The following TIAM1 variants were observed in gnomAD, a reference collection of about 807,000 sequenced individuals.
The protein encoded by TIAM1 is rho guanine nucleotide exchange factor TIAM1.
TIAM1 carries 65 observed loss-of-function variants against 163.5 expected under a neutral mutation model. That is an observed-to-expected ratio of 0.40 (90% confidence interval 0.33 to 0.49). The LOEUF (loss-of-function observed/expected upper bound fraction) is 0.49. TIAM1 is among the 20% of genes least tolerant of loss of function. The pLI, the probability that TIAM1 is intolerant of heterozygous loss-of-function variation, is 0.77. For missense variants in TIAM1, 1,789 were observed against 2,044.7 expected, an observed-to-expected ratio of 0.87 and a Z score of 2.41; for synonymous variants, 833 against 810.1, an observed-to-expected ratio of 1.03 and a Z score of -0.48.
chr21:31,521,308 C>G (rs2047574805), intron 1 of TIAM1, among the ~76,000 whole-genome samples: 1 of 152,196 alleles, frequency 6.6e-6, no homozygotes, highest in Non-Finnish European at 1.5e-5. Flanking sequence ...TCTAGAGTTT[C>G]TCTTCAAGAT....
At chr21:31,258,569 T>C (rs1016028313) in intron 4 of TIAM1, among the ~76,000 whole-genome samples, 7 of 152,320 alleles carry the variant, frequency 4.6e-5, no homozygotes, top group Admixed American at 1.3e-4. Flanking sequence ...CAGTGGCTCA[T>C]GCCTGTAATC....
intron 1 of TIAM1, among the ~76,000 whole-genome samples, chr21:31,489,406 A>G (rs1345808782): frequency 1.3e-3 from 88 of 67,290 alleles, no homozygotes; most frequent in South Asian, 3.0e-3. Context: ...GGGGAGGGGG[A>G]GGGAAGAAGA....
At chr21:31,221,258 C>T (rs1711307484) in intron 8 of TIAM1, among the ~76,000 whole-genome samples, 1 of 152,146 alleles carries the variant, frequency 6.6e-6, no homozygotes, top group African/African-American at 2.4e-5. Flanking sequence ...TGACTTGTTC[C>T]GGCTGAAATG....
chr21:31,471,735 G>A (rs2045747202), intron 1 of TIAM1, among the ~76,000 whole-genome samples: 1 of 152,130 alleles, frequency 6.6e-6, no homozygotes, highest in South Asian at 2.1e-4. Context: ...CAGGCATGGT[G>A]GTGCGTGCCT....
rs192076696 is a variant in TIAM1, at chr21:31,256,641, T to G, written c.964-4452A>C. Among the ~76,000 whole-genome samples, 7 of 51,406 alleles carry G rather than the reference T, an allele frequency of 1.4e-4. 1 individual carries two copies. The highest frequency in any genetic ancestry group is 3.8e-4 in the African/African-American group (7 of 18,536). The allele number at this position is 51,406 out of a possible 152,430, so 33.7% of individuals were successfully genotyped here. On this transcript the variant is annotated intron_variant, in intron 4 of 27. Coordinates refer to ENST00000541036, the MANE Select transcript of TIAM1 (RefSeq NM_001353694.2). ...CACACACACACACGTATATTATCTT[T>G]GGCTCTCAGTATTATCTCCTTGGTA...
At chr21:31,457,928 G>T (rs964331131) in intron 2 of TIAM1, among the ~76,000 whole-genome samples, 6 of 152,180 alleles carry the variant, frequency 3.9e-5, no homozygotes, top group Non-Finnish European at 8.8e-5. Context: ...GGCACAGACT[G>T]CACCACAAAG....
intron 2 of TIAM1, among the ~76,000 whole-genome samples, chr21:31,397,717 T>G (rs1305516874): frequency 6.6e-6 from 1 of 152,190 alleles, no homozygotes; most frequent in Non-Finnish European, 1.5e-5. Flanking sequence ...GGCAGCTCTG[T>G]GTAAAACAAA....
chr21:31,175,155 C>G (rs932601902), intron 15 of TIAM1, among the ~76,000 whole-genome samples: 5 of 152,052 alleles, frequency 3.3e-5, no homozygotes, highest in African/African-American at 1.2e-4. Flanking sequence ...GTTGCCCAAG[C>G]TGGTCTCAAA....
In TIAM1 at chr21:31,475,025, T is replaced by TTTTTTATTATTATTA. The variant is rs1285962494; in HGVS notation, c.-421-10991_-421-10990insTAATAATAATAAAAA. 8.4e-5 allele frequency among the ~76,000 whole-genome samples: 10 copies of TTTTTTATTATTATTA among 118,690 alleles called. No homozygotes were observed. In the South Asian group the frequency reaches 1.0e-3, roughly 12 times the overall value. 77.9% of individuals were successfully genotyped at this position (118,690 alleles called of 152,430 possible). A position where few individuals can be genotyped will look rare whatever the true frequency, so the allele number is the denominator to read the frequency against. ...CATATAAGTTGCTGTGAGCTAGTTT[T>TTTTTTATTATTATTA]TTATTATTATTATTATTATTATTAT... On this transcript the variant is annotated intron_variant, in intron 1 of 28. Coordinates refer to the TIAM1 transcript ENST00000286827.
rs2077058075 is a variant in TIAM1, at chr21:31,395,793, G to C, written c.-368-56371C>G. Among the ~76,000 whole-genome samples, 1 of 152,116 alleles carries C rather than the reference G, an allele frequency of 6.6e-6. No homozygotes were observed. The highest frequency in any genetic ancestry group is 2.4e-5 in the African/African-American group (1 of 41,436). ...AGGACGTGAGATGCATGGAATTAATGAACAACTATCTGTGAAAATCTATCC... is the reference window on the plus strand; with the variant it reads ...AGGACGTGAGATGCATGGAATTAATCAACAACTATCTGTGAAAATCTATCC... On this transcript the variant is annotated intron_variant, in intron 2 of 28. Transcript: ENST00000286827. This position sits in a 1 kb window ranked among gnomAD's most constrained non-coding sequence, Gnocchi z 7.5.
At chr21:31,143,909 T>A (rs1046811150) in intron 20 of TIAM1, among the ~76,000 whole-genome samples, 2 of 151,990 alleles carry the variant, frequency 1.3e-5, no homozygotes, top group Non-Finnish European at 2.9e-5. Context: ...TTTTTTTGTA[T>A]TTTTAGTAGA....
chr21:31,315,655 G>A (rs1421445057), intron 2 of TIAM1, among the ~76,000 whole-genome samples: 10 of 126,908 alleles, frequency 7.9e-5, no homozygotes, highest in African/African-American at 1.2e-4. Flanking sequence ...CTCCAGCCTG[G>A]GCAACAAGAG....
At chr21:31,523,843 G>A (rs147672216) in intron 1 of TIAM1, among the ~76,000 whole-genome samples, 12 of 151,908 alleles carry the variant, frequency 7.9e-5, no homozygotes, top group Non-Finnish European at 1.8e-4. Flanking sequence ...ACTTGAACCC[G>A]GGAGGTGGAG....
chr21:31,381,719 C>A (rs1387833378), intron 2 of TIAM1, among the ~76,000 whole-genome samples: 1 of 152,168 alleles, frequency 6.6e-6, no homozygotes. Context: ...GTAGTCCCAG[C>A]TATTTGGGAG....
At chr21:31,371,755 G>A (rs113943214) in intron 2 of TIAM1, among the ~76,000 whole-genome samples, 63 of 152,264 alleles carry the variant, frequency 4.1e-4, no homozygotes, top group African/African-American at 1.2e-3. Context: ...CAGGCAAGAA[G>A]ACAAATAAGA....
In TIAM1 at chr21:31,168,628, C is replaced by T. The variant is rs577656077; in HGVS notation, c.2888-3563G>A. On this transcript the variant is annotated intron_variant, in intron 15 of 27. Coordinates refer to ENST00000541036, the MANE Select transcript of TIAM1 (RefSeq NM_001353694.2). ...TGTTAGCCAGGATGGTCTCGATCTC[C>T]TAACCTCGTGATCCACCTGTCTTGG... Among the ~76,000 whole-genome samples, 19 of 152,284 alleles carry T rather than the reference C, an allele frequency of 1.2e-4. No homozygotes were observed. The South Asian group carries it at 3.7e-3, about 30-fold the overall frequency.
chr21:31,152,021 C>CTTT (rs754817467), intron 19 of TIAM1, among the ~76,000 whole-genome samples: 2 of 112,304 alleles, frequency 1.8e-5, no homozygotes, highest in Non-Finnish European at 3.4e-5. Context: ...CCAGAAGTGC[C>CTTT]TTTTTTTTTT....
At chr21:31,152,520 A>T in intron 19 of TIAM1, 116 bp downstream of exon 19, 1 of 1,389,128 alleles carries the variant, frequency 7.2e-7, no homozygotes, top group Non-Finnish European at 9.8e-7. Flanking sequence ...TCCCTCTCAG[A>T]CACCCTTAGG....
chr21:31,298,286 C>T (rs11911911), intron 2 of TIAM1, among the ~76,000 whole-genome samples: 9,455 of 152,270 alleles, frequency 0.062, 968 homozygotes, highest in African/African-American at 0.21. Context: ...AAGTTGGGCA[C>T]TCCAACTCCA....
Sources: gnomAD v4.1 joint callset for allele counts (sites outside exome capture counted in the v4.1 genomes callset) on GRCh38, gnomAD v4.1.1 for gene constraint, Gnocchi (gnomAD v3.1) non-coding constraint, MANE v1.5 for transcripts, NCBI Gene and HGNC (gene_info 2026-07-23, HGNC 2026-07-21) for gene names.